EXOC4: variants seen among roughly 807,000 people sequenced by gnomAD.
The protein encoded by EXOC4 is SEC8-like 1.
EXOC4 carries 71 observed loss-of-function variants against 107.2 expected under a neutral mutation model. That is an observed-to-expected ratio of 0.66 (90% CI 0.55 to 0.81). The LOEUF (loss-of-function observed/expected upper bound fraction) is 0.81. Ranked by LOEUF, EXOC4 falls within the 30% of genes least tolerant of loss-of-function variation. The pLI is 0.00. For missense variants in EXOC4, 1,108 were observed against 1,189.6 expected (o/e 0.93, Z 1.01); for synonymous variants, 456 against 441.2 (o/e 1.03, Z -0.42).
chr7:133,870,828 GTT>G (rs1292940965), intron 11 of EXOC4, among the ~76,000 whole-genome samples: 3 of 152,230 alleles, frequency 2.0e-5, no homozygotes, highest in Non-Finnish European at 2.9e-5. Context: ...TGGGTATTCG[GTT>G]TTTCATAAGC....
chr7:134,078,674 G>T, the EXOC4 span, among the ~76,000 whole-genome samples: 1 of 152,176 alleles, frequency 6.6e-6, no homozygotes, highest in Non-Finnish European at 1.5e-5. Context: ...GGTTTTGAAT[G>T]AGATTTGAAG....
At chr7:133,582,480 A>T (rs1801301734) in intron 9 of EXOC4, among the ~76,000 whole-genome samples, 1 of 152,196 alleles carries the variant, frequency 6.6e-6, no homozygotes, top group African/African-American at 2.4e-5. Context: ...GATAAAAGAG[A>T]CTGCTTTGCG....
At chr7:133,853,323 G>GTCTC (rs113296842) in intron 11 of EXOC4, among the ~76,000 whole-genome samples, 56 of 102,100 alleles carry the variant, frequency 5.5e-4, no homozygotes, top group African/African-American at 1.8e-3. Context: ...CTCTCTTTCT[G>GTCTC]TCTCTCTCTC....
At chr7:133,822,443 A>C (rs1180919510) in intron 11 of EXOC4, among the ~76,000 whole-genome samples, 1 of 152,184 alleles carries the variant, frequency 6.6e-6, no homozygotes, top group South Asian at 2.1e-4. Context: ...CAAATTGCTG[A>C]ATAGGCAACT....
intron 9 of EXOC4, among the ~76,000 whole-genome samples, chr7:133,620,865 C>A (rs901156654): frequency 6.6e-6 from 1 of 152,108 alleles, no homozygotes; most frequent in African/African-American, 2.4e-5. Flanking sequence ...TCCAAAGTAA[C>A]CTTAAAATAA....
In EXOC4 at chr7:134,010,108, G is replaced by A. The variant is rs574781590; in HGVS notation, c.2687+2273G>A. On this transcript the variant is annotated intron_variant, in intron 17 of 17. Transcript: ENST00000253861. The stretch of plus-strand genomic sequence containing the variant: ...AGGCTAGCATAAAGATACAGCACTG[G>A]ATGAATCTGTTCTTCTGATTCTGCT... 3 of 152,266 alleles carry A rather than the reference G, an allele frequency of 2.0e-5. No homozygotes were observed. In the South Asian group the frequency reaches 6.2e-4, roughly 32 times the overall value. 9.4% of individuals were successfully genotyped at this position (152,266 alleles called of 1,614,324 possible). A position where few individuals can be genotyped will look rare whatever the true frequency, so the allele number is the denominator to read the frequency against.
chr7:133,731,884 G>A (rs547671541), intron 10 of EXOC4, among the ~76,000 whole-genome samples: 49 of 152,210 alleles, frequency 3.2e-4, no homozygotes, highest in Non-Finnish European at 5.3e-4. Flanking sequence ...ACAGTGTGAC[G>A]ACTCCTCAAA....
chr7:133,460,229 C>T (rs1464731624), intron 7 of EXOC4, among the ~76,000 whole-genome samples: 1 of 152,184 alleles, frequency 6.6e-6, no homozygotes, highest in Non-Finnish European at 1.5e-5. Flanking sequence ...CAGTAGGGTT[C>T]ACACTCCTGT....
At position 134,007,791 on chromosome 7, in the gene EXOC4, GACCAACATC is replaced by G; in HGVS notation, c.2648_2656del (p.Asn883_Thr885del). 6.2e-7 allele frequency: 1 copy of G among 1,613,624 alleles called. No individual in the cohort carries two copies. The highest frequency in any genetic ancestry group is 8.5e-7 in the Non-Finnish European group (1 of 1,179,746). ...ACATTTTTGTTCTTCAGCAGAATTT[GACCAACATC>G]ACCATGTCGCGGGAGGCAGACCTGG... is the stretch of plus-strand genomic sequence containing the variant. On this transcript the variant is annotated inframe_deletion, in exon 17 of 18. Transcript: ENST00000253861.
At chr7:133,902,322 AT>A (rs1381969939) in intron 12 of EXOC4, among the ~76,000 whole-genome samples, 1 of 152,164 alleles carries the variant, frequency 6.6e-6, no homozygotes, top group Non-Finnish European at 1.5e-5. Flanking sequence ...CCTTTCAGGA[AT>A]TTTTTTGATC....
intron 9 of EXOC4, among the ~76,000 whole-genome samples, chr7:133,629,049 T>G (rs923468697): frequency 6.6e-6 from 1 of 152,214 alleles, no homozygotes; most frequent in Non-Finnish European, 1.5e-5. Flanking sequence ...TATTATTTAG[T>G]GTTAAGAATA....
intron 10 of EXOC4, among the ~76,000 whole-genome samples, chr7:133,782,457 G>C (rs2151174660): frequency 6.6e-6 from 1 of 152,270 alleles, no homozygotes; most frequent in African/African-American, 2.4e-5. Flanking sequence ...AATTATCGAT[G>C]CTCCCTGCAT....
At chr7:133,410,521 T>C (rs1390379745) in intron 7 of EXOC4, among the ~76,000 whole-genome samples, 5 of 152,222 alleles carry the variant, frequency 3.3e-5, no homozygotes, top group Non-Finnish European at 1.5e-5. Flanking sequence ...TGAGGGGTTA[T>C]TTCATTATCA....
Position 133,604,710 on chromosome 7 carries a change from CTTTTTTTTTTTTT to C in EXOC4, c.1418-25316_1418-25304del, listed in dbSNP as rs61548710. ...TCTTTCCTTCCTTCCTTCCTTCTTT[CTTTTTTTTTTTTT>C]TTTTTTTTTTTTTTTTTTGAGGCAG... On this transcript the variant is annotated intron_variant, in intron 9 of 17. Transcript: ENST00000253861. 3.6e-4 allele frequency among the ~76,000 whole-genome samples: 18 copies of C among 50,268 alleles called. No homozygotes were observed. In the South Asian group the frequency reaches 9.3e-3, roughly 26 times the overall value. The allele number at this position is 50,268 out of a possible 152,430, so 33.0% of individuals were successfully genotyped here. A position where few individuals can be genotyped will look rare whatever the true frequency, so the allele number is the denominator to read the frequency against.
chr7:133,713,548 C>T (rs981072858), intron 10 of EXOC4, among the ~76,000 whole-genome samples: 4 of 152,122 alleles, frequency 2.6e-5, no homozygotes, highest in Non-Finnish European at 4.4e-5. Context: ...TAAACAAACA[C>T]AAGAAAGGTA....
intron 9 of EXOC4, among the ~76,000 whole-genome samples, chr7:133,611,005 T>G (rs1214694218): frequency 5.8e-5 from 6 of 103,690 alleles, no homozygotes; most frequent in Non-Finnish European, 1.2e-4. Flanking sequence ...TTTTTTTTTG[T>G]AGAGATGGAG....
At chr7:133,582,180 A>G (rs937469105) in intron 9 of EXOC4, among the ~76,000 whole-genome samples, 2 of 152,038 alleles carry the variant, frequency 1.3e-5, no homozygotes, top group Non-Finnish European at 2.9e-5. Flanking sequence ...CTTTTTGTCC[A>G]CATGTACTCA....
rs143928252 is a variant in EXOC4, at chr7:133,282,803, T to A, written c.277-6119T>A. Among the ~76,000 whole-genome samples the A allele has an allele frequency of 2.6e-5, 4 of 152,274 alleles. No homozygotes were observed. In the East Asian group the frequency reaches 7.7e-4, roughly 29 times the overall value. ...GTGGTGAGAATACTTAGAATCTACC[T>A]TTTCATCAATTTTCAGGCATACAAT... On this transcript the variant is annotated intron_variant, in intron 2 of 17. Coordinates refer to ENST00000253861, the MANE Select transcript of EXOC4 (RefSeq NM_021807.4).
chr7:133,988,703 C>T (rs960835492), intron 14 of EXOC4, among the ~76,000 whole-genome samples: 2 of 151,974 alleles, frequency 1.3e-5, no homozygotes, highest in African/African-American at 4.8e-5. Flanking sequence ...TAAGAGCCAT[C>T]AAAGGTGTAG....
Sources: allele counts gnomAD v4.1 joint callset (sites outside exome capture counted in the v4.1 genomes callset), GRCh38; gene constraint gnomAD v4.1.1; transcripts MANE v1.5; gene names NCBI Gene and HGNC (gene_info 2026-07-23, HGNC 2026-07-21).